The following TNIP1 variants were observed in gnomAD, a reference collection of about 807,000 sequenced individuals.
TNIP1 encodes TNFAIP3-interacting protein 1.
A neutral mutation model predicts 86.6 loss-of-function variants in TNIP1; 22 were observed. The ratio of observed to expected loss-of-function variants is 0.25; its 90% CI spans 0.18 to 0.36. The LOEUF is 0.36. TNIP1 is among the 10% of genes least tolerant of loss of function. The pLI, the probability that TNIP1 is intolerant of heterozygous loss-of-function variation, is 1.00. For synonymous variants in TNIP1, 294 were observed against 313.0 expected, an observed-to-expected ratio of 0.94 and a Z score of 0.64; for missense variants, 709 against 820.6, an observed-to-expected ratio of 0.86 and a Z score of 1.66.
intron 1 of TNIP1, among the ~76,000 whole-genome samples, chr5:151,072,205 G>A (rs927897058): frequency 1.3e-4 from 20 of 152,160 alleles, no homozygotes; most frequent in African/African-American, 4.3e-4. Flanking sequence ...CTGGAGAGGC[G>A]GCAGGCTGAA....
rs3792791 is a variant in TNIP1 at position 151,061,385 on chromosome 5, C to T, written c.357+742G>A. ...TTACCCGTGTAACCTCAGAACAGGTCCTTCTTTCCCTGCACCTGATCTGTA... is the reference window on the plus strand; with the variant it reads ...TTACCCGTGTAACCTCAGAACAGGTTCTTCTTTCCCTGCACCTGATCTGTA... On this transcript the variant is annotated intron_variant, in intron 4 of 17. Coordinates refer to ENST00000521591, the MANE Select transcript of TNIP1 (RefSeq NM_006058.5). 1.6e-3 allele frequency among the ~76,000 whole-genome samples: 240 copies of T among 152,254 alleles called. 3 individuals are homozygous for T. In the East Asian group the frequency reaches 0.043, roughly 27 times the overall value.
At chr5:151,040,403 C>T (rs1045203436) in intron 11 of TNIP1, among the ~76,000 whole-genome samples, 2 of 152,216 alleles carry the variant, frequency 1.3e-5, no homozygotes, top group Admixed American at 6.5e-5. Context: ...GTACGGACTG[C>T]AGAGGGCAGG....
chr5:151,037,827 C>T (rs1271411301), intron 12 of TNIP1, among the ~76,000 whole-genome samples: 1 of 152,178 alleles, frequency 6.6e-6, no homozygotes, highest in African/African-American at 2.4e-5. Context: ...CTCAGCTCCC[C>T]TAGACACGCA....
At chr5:151,031,513 T>C (rs1756885066) in intron 17 of TNIP1, among the ~76,000 whole-genome samples, 1 of 152,214 alleles carries the variant, frequency 6.6e-6, no homozygotes, top group Non-Finnish European at 1.5e-5. Context: ...CTTCAGCCTT[T>C]CATGGTGGAC....
intron 1 of TNIP1, among the ~76,000 whole-genome samples, chr5:151,073,582 TTG>T (rs377380185): frequency 6.7e-6 from 1 of 150,298 alleles, no homozygotes; most frequent in Non-Finnish European, 1.5e-5. Flanking sequence ...CAAAAACACA[TTG>T]TGTGTGTGTG....
chr5:151,075,227 T>C (rs1763246557), intron 1 of TNIP1, among the ~76,000 whole-genome samples: 1 of 152,194 alleles, frequency 6.6e-6, no homozygotes, highest in Non-Finnish European at 1.5e-5. Flanking sequence ...AAATTTCAAC[T>C]GATTGGAAAT....
At chr5:151,059,757 C>T (rs1428759258) in intron 5 of TNIP1, among the ~76,000 whole-genome samples, 8 of 139,206 alleles carry the variant, frequency 5.7e-5, no homozygotes, top group East Asian at 2.2e-4. Context: ...GCTGGGCAGA[C>T]GCTCCAGAGC....
At chr5:151,073,658 C>T (rs1046515714) in intron 1 of TNIP1, among the ~76,000 whole-genome samples, 1 of 149,468 alleles carries the variant, frequency 6.7e-6, no homozygotes, top group African/African-American at 2.5e-5. Context: ...CTTTGGGAGG[C>T]CAAGGTGGGA....
At position 151,042,651 on chromosome 5, in the gene TNIP1, C is replaced by G; in HGVS notation, c.1023G>C (p.Lys341Asn). 6.2e-7 allele frequency: 1 copy of G among 1,613,986 alleles called. No homozygotes were observed. The highest frequency in any genetic ancestry group is 8.5e-7 in the Non-Finnish European group (1 of 1,180,034). Reference protein sequence around the residue: ...YEQKITELRQKLADLQKQVTD... With the variant: ...YEQKITELRQNLADLQKQVTD... ...TCACCTGCTTCTGCAAATCAGCCAG[C>G]TTCTGACGCAGCTCAGTGATCTGGG... Residue 341 changes from lysine to asparagine, a missense_variant, in exon 11 of 18, where the codon AAG becomes AAC. Physicochemically the swap from Lys to Asn is moderately conservative, Grantham distance 94. Coordinates refer to ENST00000521591, the MANE Select transcript of TNIP1 (RefSeq NM_006058.5).
At chr5:151,061,396 T>C (rs1006487643) in intron 4 of TNIP1, among the ~76,000 whole-genome samples, 3 of 152,162 alleles carry the variant, frequency 2.0e-5, no homozygotes, top group Non-Finnish European at 4.4e-5. Flanking sequence ...CTTCTTTCCC[T>C]GCACCTGATC....
At chr5:151,041,176 T>C (rs1758373173) in intron 11 of TNIP1, among the ~76,000 whole-genome samples, 1 of 151,938 alleles carries the variant, frequency 6.6e-6, no homozygotes, top group South Asian at 2.1e-4. Flanking sequence ...GTTCAAGCGA[T>C]TCTCGTGCCT....
intron 6 of TNIP1, among the ~76,000 whole-genome samples, chr5:151,052,712 T>G (rs1760112344): frequency 6.6e-6 from 1 of 152,254 alleles, no homozygotes; most frequent in Non-Finnish European, 1.5e-5. Context: ...TTTACGCTTC[T>G]CAGCACCTGT....
At chr5:151,034,637 G>C (rs1757461968) in intron 15 of TNIP1, 1 of 341,536 alleles carries the variant, frequency 2.9e-6, no homozygotes, top group Non-Finnish European at 5.5e-6. Context: ...GGCATGGAAG[G>C]CTGGGCATGG....
At chr5:151,038,599 C>A (rs930150515) in intron 12 of TNIP1, among the ~76,000 whole-genome samples, 4 of 152,210 alleles carry the variant, frequency 2.6e-5, no homozygotes, top group Non-Finnish European at 5.9e-5. Flanking sequence ...CGTGCTCCTC[C>A]ACTCCCATCA....
At position 151,063,620 on chromosome 5, in the gene TNIP1, C is replaced by T. The variant is rs141997689; in HGVS notation, c.264G>A (p.Glu88=). ...PSLGSFDPLA[E]LTGKDSNVTA... is the part of the protein sequence containing the mutation. The stretch of plus-strand genomic sequence containing the variant: ...CCCAGACTCCTCTTATACCTGTGAG[C>T]TCAGCCAGGGGGTCGAAGGAGCCCA... Residue 88 remains glutamate, a synonymous_variant, in exon 3 of 18, where the codon GAG becomes GAA. Transcript: ENST00000521591. 977 of 1,613,924 alleles carry T rather than the reference C, an allele frequency of 6.1e-4. 1 individual carries two copies. The highest frequency in any genetic ancestry group is 7.8e-4 in the Non-Finnish European group (922 of 1,179,960).
intron 6 of TNIP1, 104 bp downstream of exon 6, chr5:151,056,662 A>T (rs192537887): frequency 8.7e-4 from 1,026 of 1,175,018 alleles, no homozygotes; most frequent in Non-Finnish European, 1.1e-3. Context: ...CACAGCCTTC[A>T]GAAGTCCCCA....
chr5:151,056,873 C>A lies in TNIP1; in HGVS notation c.520G>T (p.Glu174Ter). The A allele has an allele frequency of 6.2e-7, 1 of 1,606,280 alleles. No individual in the cohort carries two copies. The highest frequency in any genetic ancestry group is 8.5e-7 in the Non-Finnish European group (1 of 1,176,850). The change falls in exon 6 of 18, where the codon GAG becomes TAG. Residue 174 changes from glutamate (E) to a stop codon, truncating the protein, a stop_gained. Coordinates refer to ENST00000521591, the MANE Select transcript of TNIP1 (RefSeq NM_006058.5). LOFTEE classifies it high-confidence loss of function. The part of the protein sequence containing the change: ...LETTLSVCAE[E>*]PDHGQLFTHL... ...GTGAAGAGCTGGCCGTGGTCCGGCTCCTCGGCACACACACTCAGCGTGGTC... is the reference window on the plus strand; with the variant it reads ...GTGAAGAGCTGGCCGTGGTCCGGCTACTCGGCACACACACTCAGCGTGGTC...
Position 151,053,703 on chromosome 5 carries a change from G to A in TNIP1, c.628-1444C>T, listed in dbSNP as rs534919341. Among the ~76,000 whole-genome samples the A allele has an allele frequency of 9.9e-4, 150 of 152,282 alleles. 2 individuals are homozygous for A. The highest frequency in any genetic ancestry group is 9.0e-3 in the Admixed American group (137 of 15,300). ...CTCACCTGTGCCAGGTACATTGCTC[G>A]GTGTTTCTCCATATACTGCCTCACT... is the stretch of plus-strand genomic sequence containing the variant. On this transcript the variant is annotated intron_variant, in intron 6 of 17. Transcript: ENST00000521591.
intron 9 of TNIP1, among the ~76,000 whole-genome samples, chr5:151,044,740 G>A (rs1178299020): frequency 6.6e-6 from 1 of 152,104 alleles, no homozygotes; most frequent in South Asian, 2.1e-4. Context: ...CTTCGACCTC[G>A]GGTCTGGAAA....
Sources: allele counts gnomAD v4.1 joint callset (sites outside exome capture counted in the v4.1 genomes callset), GRCh38; gene constraint gnomAD v4.1.1; transcripts MANE v1.5; gene names NCBI Gene and HGNC (gene_info 2026-07-23, HGNC 2026-07-21).